Variants in ZNF521 observed in about 807,000 individuals in gnomAD.
ZNF521 encodes the protein LYST-interacting protein 3.
Under a neutral mutation model 105.5 loss-of-function variants are expected in ZNF521, and 14 were observed. The ratio of observed to expected loss-of-function variants is 0.13; its 90% confidence interval spans 0.09 to 0.21. The LOEUF (loss-of-function observed/expected upper bound fraction) is 0.21. Ranked by LOEUF, ZNF521 falls within the 10% of genes least tolerant of loss-of-function variation. The pLI is 1.00. For synonymous variants in ZNF521, 635 were observed against 606.0 expected (o/e 1.05, Z -0.70); for missense variants, 1,233 against 1,629.7 (o/e 0.76, Z 4.19).
intron 3 of ZNF521, among the ~76,000 whole-genome samples, chr18:25,295,913 G>A (rs1323307307): frequency 3.3e-5 from 5 of 152,082 alleles, no homozygotes; most frequent in South Asian, 2.1e-4. Context: ...TTAAACTCCC[G>A]CCAGCAGTGT....
intron 5 of ZNF521, among the ~76,000 whole-genome samples, chr18:25,093,883 T>C (rs991940240): frequency 1.3e-5 from 2 of 152,190 alleles, no homozygotes; most frequent in African/African-American, 4.8e-5. Context: ...TTCCAGATTT[T>C]AGACATTAAG....
chr18:25,325,969 A>G (rs1345756012), intron 2 of ZNF521, among the ~76,000 whole-genome samples: 3 of 152,264 alleles, frequency 2.0e-5, no homozygotes, highest in Admixed American at 1.3e-4. Flanking sequence ...TAAAATTACA[A>G]CTGTGGGGAA....
At chr18:25,339,123 C>G (rs1277658609) in intron 2 of ZNF521, among the ~76,000 whole-genome samples, 1 of 152,136 alleles carries the variant, frequency 6.6e-6, no homozygotes. Flanking sequence ...AAAGGAATAC[C>G]ATTTGTGTGA....
chr18:25,189,592 C>A (rs1420030127), intron 5 of ZNF521, among the ~76,000 whole-genome samples: 1 of 152,136 alleles, frequency 6.6e-6, no homozygotes, highest in African/African-American at 2.4e-5. Context: ...CATTGGCAAG[C>A]GTTCCCTGCT....
intron 4 of ZNF521, among the ~76,000 whole-genome samples, chr18:25,197,752 T>C (rs927227467): frequency 1.3e-4 from 20 of 151,848 alleles, no homozygotes; most frequent in African/African-American, 4.1e-4. Context: ...TTGAATCCAT[T>C]GTCTAATATG....
chr18:25,296,487 T>C (rs1430244587), intron 3 of ZNF521, among the ~76,000 whole-genome samples: 1 of 152,156 alleles, frequency 6.6e-6, no homozygotes, highest in African/African-American at 2.4e-5. Context: ...CTTATTCTAA[T>C]AGAACCCCAT....
At chr18:25,160,699 A>C (rs901729075) in intron 5 of ZNF521, among the ~76,000 whole-genome samples, 2 of 152,214 alleles carry the variant, frequency 1.3e-5, no homozygotes, top group Non-Finnish European at 2.9e-5. Context: ...AAAACAAATC[A>C]AGGTGAGAAC....
intron 3 of ZNF521, among the ~76,000 whole-genome samples, chr18:25,301,382 T>A (rs1031545335): frequency 6.6e-6 from 1 of 152,170 alleles, no homozygotes; most frequent in Non-Finnish European, 1.5e-5. Context: ...CTTGCCTATA[T>A]CAAAACATCT....
chr18:25,148,148 T>C (rs2034979754), intron 5 of ZNF521, among the ~76,000 whole-genome samples: 1 of 152,052 alleles, frequency 6.6e-6, no homozygotes, highest in Non-Finnish European at 1.5e-5. Context: ...GGGTGCTAAA[T>C]ATAAATGGGA....
intron 5 of ZNF521, among the ~76,000 whole-genome samples, chr18:25,183,306 C>G (rs755164112): frequency 7.2e-5 from 11 of 152,128 alleles, no homozygotes; most frequent in African/African-American, 1.2e-4. Context: ...GATGTTAGGA[C>G]AGCTTAAAAT....
At chr18:25,320,545 A>G (rs1912885311) in intron 3 of ZNF521, among the ~76,000 whole-genome samples, 1 of 151,668 alleles carries the variant, frequency 6.6e-6, no homozygotes, top group Non-Finnish European at 1.5e-5. Context: ...TCAGAAATAC[A>G]AAGGATATAT....
chr18:25,089,350 A>G, intron 7 of ZNF521, 115 bp downstream of exon 7: 1 of 774,244 alleles, frequency 1.3e-6, no homozygotes, highest in Middle Eastern at 3.2e-4. Context: ...CAATACACAC[A>G]AAGCATCATG....
intron 3 of ZNF521, among the ~76,000 whole-genome samples, chr18:25,266,782 G>A (rs957247128): frequency 2.6e-5 from 4 of 152,230 alleles, no homozygotes; most frequent in Admixed American, 2.6e-4. Flanking sequence ...TCCTGGGGGT[G>A]CCTACGCCAC....
At chr18:25,246,046 C>T (rs1186295020) in intron 3 of ZNF521, among the ~76,000 whole-genome samples, 1 of 151,592 alleles carries the variant, frequency 6.6e-6, no homozygotes, top group African/African-American at 2.4e-5. Flanking sequence ...CCGATTGCGC[C>T]ACAGGAACAT....
At chr18:25,258,770 G>T (rs1908694459) in intron 3 of ZNF521, among the ~76,000 whole-genome samples, 1 of 152,102 alleles carries the variant, frequency 6.6e-6, no homozygotes, top group South Asian at 2.1e-4. Context: ...GAGACACGTG[G>T]CCTCTCTATT....
At chr18:25,189,674 T>C (rs1302027134) in intron 5 of ZNF521, among the ~76,000 whole-genome samples, 1 of 152,194 alleles carries the variant, frequency 6.6e-6, no homozygotes, top group Non-Finnish European at 1.5e-5. Flanking sequence ...TGGCCCACAC[T>C]CCATTTTATC....
At chr18:25,160,278 C>T (rs1160970843) in intron 5 of ZNF521, among the ~76,000 whole-genome samples, 1 of 152,212 alleles carries the variant, frequency 6.6e-6, no homozygotes, top group Non-Finnish European at 1.5e-5. Flanking sequence ...CACCAGTGCA[C>T]TCTGGGAATT....
intron 5 of ZNF521, among the ~76,000 whole-genome samples, chr18:25,171,205 C>A (rs1766806666): frequency 6.6e-6 from 1 of 152,150 alleles, no homozygotes. Context: ...GCATTCTGCT[C>A]ACCTCACACA....
intron 4 of ZNF521, among the ~76,000 whole-genome samples, chr18:25,218,115 A>G (rs1318574812): frequency 6.6e-6 from 1 of 152,212 alleles, no homozygotes; most frequent in Non-Finnish European, 1.5e-5. Context: ...TGTATTTCAC[A>G]ATAAAAGGAT....
Sources: allele counts gnomAD v4.1 joint callset (sites outside exome capture counted in the v4.1 genomes callset), GRCh38; gene constraint gnomAD v4.1.1; transcripts MANE v1.5; gene names NCBI Gene and HGNC (gene_info 2026-07-23, HGNC 2026-07-21).